The following CPLX1 variants were observed in gnomAD, a reference collection of about 807,000 sequenced individuals.
CPLX1 encodes complexin 1, also known as complexin-1.
CPLX1 carries 6 observed loss-of-function variants against 15.6 expected under a neutral mutation model. The ratio of observed to expected loss-of-function variants is 0.39; its 90% confidence interval spans 0.21 to 0.76. CPLX1 has a LOEUF of 0.76. Among genes scored for constraint, CPLX1 ranks in the 30% least tolerant of loss-of-function variants. The pLI is 0.43. For synonymous variants in CPLX1, 91 were observed against 75.2 expected, an observed-to-expected ratio of 1.21 and a Z score of -1.08; for missense variants, 242 against 188.6, an observed-to-expected ratio of 1.28 and a Z score of -1.66.
intron 2 of CPLX1, among the ~76,000 whole-genome samples, chr4:809,548 C>T (rs535305935): frequency 7.6e-4 from 116 of 152,322 alleles, no homozygotes; most frequent in Admixed American, 1.3e-3. Flanking sequence ...GACCTCAGGC[C>T]GTGGGGGCCA....
chr4:793,891 A>C (rs1746258885), intron 2 of CPLX1, among the ~76,000 whole-genome samples: 1 of 152,178 alleles, frequency 6.6e-6, no homozygotes, highest in Admixed American at 6.5e-5. Flanking sequence ...TGTCAGGTGA[A>C]ATTGTGGGTT....
chr4:818,878 A>G (rs1746810389), intron 2 of CPLX1, among the ~76,000 whole-genome samples: 1 of 152,212 alleles, frequency 6.6e-6, no homozygotes, highest in African/African-American at 2.4e-5. Flanking sequence ...TGGATGGTGG[A>G]GCTGGAGGGT....
chr4:814,444 C>T (rs1412708038), intron 2 of CPLX1, among the ~76,000 whole-genome samples: 4 of 152,106 alleles, frequency 2.6e-5, no homozygotes, highest in Non-Finnish European at 5.9e-5. Context: ...AACTCCTGAC[C>T]TCAGGTGATT....
intron 2 of CPLX1, among the ~76,000 whole-genome samples, chr4:819,274 G>T (rs1365332338): frequency 6.6e-6 from 1 of 152,172 alleles, no homozygotes; most frequent in African/African-American, 2.4e-5. Context: ...CCAAGTTGGG[G>T]CTAAAGTATT....
At chr4:794,574 C>A (rs1169960436) in intron 2 of CPLX1, among the ~76,000 whole-genome samples, 1 of 152,214 alleles carries the variant, frequency 6.6e-6, no homozygotes, top group Non-Finnish European at 1.5e-5. Flanking sequence ...AATCTCTCTG[C>A]CTCCAGCGGG....
In CPLX1 at chr4:787,626, C is replaced by T. The variant is rs1198718462; in HGVS notation, c.208-928G>A. The stretch of plus-strand genomic sequence containing the variant: ...TCAAGAAACACCAGGGATTCGGGGC[C>T]GCCAGACGCAGGAAGGGGCAGGGAA... On this transcript the variant is annotated intron_variant, in intron 3 of 3. Transcript: ENST00000304062. The T allele has an allele frequency of 1.3e-5, 12 of 948,608 alleles. No homozygotes were observed. The South Asian group carries it at 2.9e-4, about 23-fold the overall frequency. The allele number at this position is 948,608 out of a possible 1,614,324, so 58.8% of individuals were successfully genotyped here. A position where few individuals can be genotyped will look rare whatever the true frequency, so the allele number is the denominator to read the frequency against.
At chr4:823,945 T>C (rs1002885995) in intron 2 of CPLX1, among the ~76,000 whole-genome samples, 6 of 152,208 alleles carry the variant, frequency 3.9e-5, no homozygotes, top group African/African-American at 1.4e-4. Flanking sequence ...TTTCCTTCGC[T>C]CCCGTAACCA....
At chr4:795,338 C>CCGGCCT (rs1291913729) in intron 2 of CPLX1, among the ~76,000 whole-genome samples, 1 of 152,228 alleles carries the variant, frequency 6.6e-6, no homozygotes, top group Non-Finnish European at 1.5e-5. Context: ...TGCGACCCCG[C>CCGGCCT]CGGCCTCGAC....
At chr4:824,652 G>A (rs2276906) in intron 1 of CPLX1, 51 bp from the exon 2 acceptor site, 320,500 of 964,348 alleles carry the variant, frequency 0.33, 54,432 homozygotes, top group Middle Eastern at 0.42. Context: ...CCCCTGCCTG[G>A]CCTTCCCCAG....
At chr4:800,621 G>A (rs1425705975) in intron 2 of CPLX1, among the ~76,000 whole-genome samples, 4 of 124,406 alleles carry the variant, frequency 3.2e-5, no homozygotes, top group Admixed American at 8.5e-5. Flanking sequence ...ACATGGTGAC[G>A]GGCAACCGTA....
At chr4:824,682 G>T (rs970149440) in intron 1 of CPLX1, 81 bp from the exon 2 acceptor site, 2 of 790,756 alleles carry the variant, frequency 2.5e-6, no homozygotes, top group Non-Finnish European at 4.4e-6. Flanking sequence ...TTCCTTACCC[G>T]CAATACCTTG....
chr4:813,545 T>C (rs1466484200), intron 2 of CPLX1, among the ~76,000 whole-genome samples: 1 of 152,042 alleles, frequency 6.6e-6, no homozygotes, highest in African/African-American at 2.4e-5. Context: ...CACGTGGCAA[T>C]GAGATATCAA....
intron 2 of CPLX1, among the ~76,000 whole-genome samples, chr4:815,494 G>A (rs745429170): frequency 4.6e-5 from 7 of 151,764 alleles, no homozygotes; most frequent in South Asian, 2.1e-4. Flanking sequence ...AGGGCTCAGC[G>A]CTAAGCAGTA....
chr4:794,937 G>A (rs1746289137), intron 2 of CPLX1, among the ~76,000 whole-genome samples: 1 of 152,242 alleles, frequency 6.6e-6, no homozygotes, highest in Non-Finnish European at 1.5e-5. Context: ...CTCCAGGGGT[G>A]CCTGTGGGGG....
In CPLX1 at chr4:820,884, C is replaced by A. The variant is rs1377301441; in HGVS notation, c.31+3608G>T. On this transcript the variant is annotated intron_variant, in intron 2 of 3. Coordinates refer to ENST00000304062, the MANE Select transcript of CPLX1 (RefSeq NM_006651.4). ...CCCCTTGGGTTGTTCCTGCCGAGAA[C>A]TCACAGCCCAGCCCCACGGGGGCGC... Among the ~76,000 whole-genome samples, 3 of 152,158 alleles carry A rather than the reference C, an allele frequency of 2.0e-5. No individual in the cohort carries two copies. In the East Asian group the frequency reaches 5.8e-4, roughly 29 times the overall value.
At position 792,337 on chromosome 4, in the gene CPLX1, C is replaced by G. The variant is rs1392732458; in HGVS notation, c.207+96G>C. 2.5e-6 allele frequency: 3 copies of G among 1,207,424 alleles called. No individual in the cohort carries two copies. In the Admixed American group the frequency reaches 9.0e-5, roughly 36 times the overall value. The allele number at this position is 1,207,424 out of a possible 1,614,324, so 74.8% of individuals were successfully genotyped here. On this transcript the variant is annotated intron_variant, in intron 3 of 3. Coordinates refer to ENST00000304062, the MANE Select transcript of CPLX1 (RefSeq NM_006651.4). ...GGTAGGAGGCCCAGGGGGACGCCCG[C>G]CCCTCTTCCGGGCAGCCCCTTCCAC...
At chr4:811,881 G>C (rs902297961) in intron 2 of CPLX1, among the ~76,000 whole-genome samples, 1 of 152,180 alleles carries the variant, frequency 6.6e-6, no homozygotes, top group East Asian at 1.9e-4. Context: ...GAACTCAGCT[G>C]TCGGGTGTAG....
At chr4:787,577 G>A (rs187256236) in intron 3 of CPLX1, 51 of 739,636 alleles carry the variant, frequency 6.9e-5, no homozygotes, top group African/African-American at 9.7e-5. Context: ...GCGGGCATAC[G>A]AAAGCGGAGG....
chr4:796,724 C>T (rs913225563), intron 2 of CPLX1, among the ~76,000 whole-genome samples: 12 of 152,196 alleles, frequency 7.9e-5, no homozygotes, highest in African/African-American at 2.7e-4. Context: ...TAACTCCACA[C>T]GTAAAGACGT....
Sources: allele counts gnomAD v4.1 joint callset (sites outside exome capture counted in the v4.1 genomes callset), GRCh38; gene constraint gnomAD v4.1.1; transcripts MANE v1.5; gene names NCBI Gene and HGNC (gene_info 2026-07-23, HGNC 2026-07-21).